Variants in MARK3 observed in about 807,000 individuals in gnomAD.
MARK3 encodes the protein microtubule affinity regulating kinase 3, also known as MAP/microtubule affinity-regulating kinase 3.
MARK3 carries 46 observed loss-of-function variants against 90.1 expected under a neutral mutation model. That is an observed-to-expected ratio of 0.51 (90% CI 0.40 to 0.65). The LOEUF is 0.65. Among genes scored for constraint, MARK3 ranks in the 30% least tolerant of loss-of-function variants. MARK3 has a pLI of 0.00. For missense variants in MARK3, 818 were observed against 947.2 expected (o/e 0.86, Z 1.79); for synonymous variants, 321 against 332.6 (o/e 0.97, Z 0.38).
chr14:103,458,477 AAGC>A (rs200507670), intron 6 of MARK3, among the ~76,000 whole-genome samples: 2,897 of 113,438 alleles, frequency 0.026, 1,018 homozygotes, highest in East Asian at 0.053. Context: ...AAAAAAAAAG[AAGC>A]AGCAGCTGTA....
At chr14:103,432,590 C>G (rs1289035103) in intron 3 of MARK3, among the ~76,000 whole-genome samples, 1 of 152,148 alleles carries the variant, frequency 6.6e-6, no homozygotes, top group Non-Finnish European at 1.5e-5. Flanking sequence ...GTGGCTCACT[C>G]CTGTAATCCC....
At chr14:103,502,819 C>A in intron 17 of MARK3, 63 bp from the exon 18 acceptor site, 1 of 1,330,778 alleles carries the variant, frequency 7.5e-7, no homozygotes, top group Non-Finnish European at 1.0e-6. Flanking sequence ...GAGGAACTAG[C>A]TGAAGTGTAA....
chr14:103,452,471 C>CTTTTTTTTTTTTTTT (rs71126026), intron 5 of MARK3, among the ~76,000 whole-genome samples: 3 of 97,472 alleles, frequency 3.1e-5, no homozygotes, highest in Non-Finnish European at 6.7e-5. Context: ...CAGGATTTGT[C>CTTTTTTTTTTTTTTT]TTTTTTTTTT....
At chr14:103,406,069 T>A (rs561612193) in intron 2 of MARK3, among the ~76,000 whole-genome samples, 4 of 151,752 alleles carry the variant, frequency 2.6e-5, no homozygotes, top group Admixed American at 6.6e-5. Context: ...GTTTAAAAAA[T>A]TTTTTTGTAG....
rs916937613 is a variant in MARK3 at position 103,503,335 on chromosome 14, T to C, written c.*108T>C. Reference sequence around the variant, plus strand: ...AATAACGTCTGCATCTTCTAAATCATGAAATTAAAGTCTGAGGACGAGAGC... The same window carrying C: ...AATAACGTCTGCATCTTCTAAATCACGAAATTAAAGTCTGAGGACGAGAGC... On this transcript the variant is annotated 3_prime_UTR_variant, in exon 18 of 18. Transcript: ENST00000429436. 7 of 1,062,264 alleles carry C rather than the reference T, an allele frequency of 6.6e-6. No individual in the cohort carries two copies. The highest frequency in any genetic ancestry group is 1.6e-5 in the African/African-American group (1 of 62,536). 65.8% of individuals were successfully genotyped at this position (1,062,264 alleles called of 1,614,324 possible).
At chr14:103,486,904 GTTTA>G (rs5811110) in intron 14 of MARK3, among the ~76,000 whole-genome samples, 11 of 144,938 alleles carry the variant, frequency 7.6e-5, no homozygotes, top group Admixed American at 2.0e-4. Context: ...ATGTCAAAAA[GTTTA>G]TTTATTTATT....
At chr14:103,441,799 C>G (rs2092863391) in intron 3 of MARK3, among the ~76,000 whole-genome samples, 1 of 152,142 alleles carries the variant, frequency 6.6e-6, no homozygotes, top group African/African-American at 2.4e-5. Flanking sequence ...GTCTCCGTGT[C>G]TAAACACACA....
At chr14:103,480,321 G>A (rs1460738151) in intron 13 of MARK3, 66 bp from the exon 14 acceptor site, 7 of 951,804 alleles carry the variant, frequency 7.4e-6, no homozygotes, top group Non-Finnish European at 1.2e-5. Context: ...ATGTAGATAA[G>A]TTCATTTTTT....
chr14:103,475,529 G>T (rs571123232), intron 13 of MARK3, among the ~76,000 whole-genome samples: 1 of 152,294 alleles, frequency 6.6e-6, no homozygotes, highest in Non-Finnish European at 1.5e-5. Flanking sequence ...GTCTGGCAAG[G>T]GCCCTGTTCT....
At chr14:103,446,037 A>G (rs955632730) in intron 3 of MARK3, among the ~76,000 whole-genome samples, 1 of 152,224 alleles carries the variant, frequency 6.6e-6, no homozygotes, top group African/African-American at 2.4e-5. Context: ...GAAAGGAGAC[A>G]GGCATGCTCC....
chr14:103,496,721 T>G (rs577356202), intron 15 of MARK3, among the ~76,000 whole-genome samples: 1 of 152,156 alleles, frequency 6.6e-6, no homozygotes, highest in South Asian at 2.1e-4. Flanking sequence ...CCTTTTATTT[T>G]TTTAATAAAA....
At chr14:103,400,302 A>C (rs2090874988) in intron 1 of MARK3, among the ~76,000 whole-genome samples, 1 of 152,230 alleles carries the variant, frequency 6.6e-6, no homozygotes, top group Non-Finnish European at 1.5e-5. Flanking sequence ...GACTTTAACT[A>C]ATGAGAACTG....
At chr14:103,495,763 G>T (rs1184553702) in intron 15 of MARK3, among the ~76,000 whole-genome samples, 9 of 151,412 alleles carry the variant, frequency 5.9e-5, no homozygotes, top group East Asian at 5.8e-4. Context: ...GAGGTCTGTT[G>T]TCTCCCTTAG....
chr14:103,484,331 C>T (rs1429021927), intron 14 of MARK3, among the ~76,000 whole-genome samples: 1 of 152,166 alleles, frequency 6.6e-6, no homozygotes, highest in Non-Finnish European at 1.5e-5. Flanking sequence ...CACACACCAC[C>T]ACACCTGGCT....
At chr14:103,493,086 C>T (rs1398137395) in intron 15 of MARK3, among the ~76,000 whole-genome samples, 1 of 152,112 alleles carries the variant, frequency 6.6e-6, no homozygotes, top group Non-Finnish European at 1.5e-5. Flanking sequence ...TCTGCATTCC[C>T]TATGGCCTAT....
intron 2 of MARK3, among the ~76,000 whole-genome samples, chr14:103,425,668 A>G (rs574454560): frequency 6.6e-6 from 1 of 152,348 alleles, no homozygotes; most frequent in East Asian, 1.9e-4. Flanking sequence ...TGCCTGTTTC[A>G]GTAGTCAGTA....
chr14:103,497,481 G>T (rs887309520), intron 15 of MARK3, among the ~76,000 whole-genome samples: 16 of 152,138 alleles, frequency 1.1e-4, no homozygotes, highest in Admixed American at 2.6e-4. Context: ...AAAATATTTT[G>T]TCAGATTATT....
chr14:103,485,304 C>G (rs962358229), intron 14 of MARK3, among the ~76,000 whole-genome samples: 3 of 146,994 alleles, frequency 2.0e-5, no homozygotes, highest in African/African-American at 7.7e-5. Context: ...GCAGTGTGGC[C>G]CAGGCTGCAG....
intron 6 of MARK3, among the ~76,000 whole-genome samples, chr14:103,457,957 C>T (rs1160464502): frequency 1.3e-5 from 2 of 152,192 alleles, no homozygotes; most frequent in African/African-American, 2.4e-5. Flanking sequence ...AGGCAGGTCC[C>T]AGAATTGCCT....
Sources: allele counts gnomAD v4.1 joint callset (sites outside exome capture counted in the v4.1 genomes callset), GRCh38; gene constraint gnomAD v4.1.1; transcripts MANE v1.5; gene names NCBI Gene and HGNC (gene_info 2026-07-23, HGNC 2026-07-21).